The following PRKN variants were observed in gnomAD, a reference collection of about 807,000 sequenced individuals.
PRKN encodes parkin RBR E3 ubiquitin protein ligase.
A neutral mutation model predicts 59.5 loss-of-function variants in PRKN; 56 were observed. That is an observed-to-expected ratio of 0.94 (90% confidence interval 0.76 to 1.18). The LOEUF (loss-of-function observed/expected upper bound fraction) is 1.18. Among genes scored for constraint, PRKN ranks in the 50% most tolerant of loss-of-function variants. PRKN has a pLI of 0.00. For missense variants in PRKN, 657 were observed against 596.4 expected, an observed-to-expected ratio of 1.10 and a Z score of -1.06; for synonymous variants, 250 against 222.1, an observed-to-expected ratio of 1.13 and a Z score of -1.12.
intron 4 of PRKN, among the ~76,000 whole-genome samples, chr6:162,192,490 T>C (rs1784324583): frequency 7.5e-6 from 1 of 132,762 alleles, no homozygotes; most frequent in Non-Finnish European, 1.6e-5. Context: ...TCTCGCTCTG[T>C]CACTCAGGCT....
At chr6:162,069,763 A>C (rs1475184301) in intron 4 of PRKN, among the ~76,000 whole-genome samples, 2 of 152,244 alleles carry the variant, frequency 1.3e-5, no homozygotes, top group Non-Finnish European at 2.9e-5. Context: ...TAAAACAAAT[A>C]TTAGAAGGAA....
chr6:162,279,988 G>T (rs1416377702), intron 2 of PRKN, among the ~76,000 whole-genome samples: 2 of 151,972 alleles, frequency 1.3e-5, no homozygotes, highest in Non-Finnish European at 2.9e-5. Flanking sequence ...GACTAAGATC[G>T]CAAACTCTCC....
intron 1 of PRKN, among the ~76,000 whole-genome samples, chr6:162,595,332 T>C (rs1168613968): frequency 6.6e-6 from 1 of 151,786 alleles, no homozygotes; most frequent in Non-Finnish European, 1.5e-5. Flanking sequence ...CTTGGCTCAC[T>C]GCAACCTCCG....
chr6:162,565,524 T>C (rs1409527948), intron 1 of PRKN, among the ~76,000 whole-genome samples: 1 of 152,052 alleles, frequency 6.6e-6, no homozygotes, highest in Non-Finnish European at 1.5e-5. Flanking sequence ...ACCCTATCTC[T>C]ACTAAAAATA....
intron 7 of PRKN, among the ~76,000 whole-genome samples, chr6:161,586,977 T>G (rs747656830): frequency 3.1e-4 from 47 of 152,212 alleles, no homozygotes; most frequent in Non-Finnish European, 6.0e-4. Context: ...TTTAAATTTA[T>G]AGGTGGGGTC....
At chr6:161,481,651 G>C (rs555036338) in intron 9 of PRKN, among the ~76,000 whole-genome samples, 27 of 152,034 alleles carry the variant, frequency 1.8e-4, no homozygotes, top group African/African-American at 6.0e-4. Flanking sequence ...AAACAAACAA[G>C]GAAAAAAAGA....
Position 161,456,049 on chromosome 6 carries a change from G to C in PRKN, c.1084-69172C>G, listed in dbSNP as rs1789954475. ...TTCCTAAGGAGAACGTTGGCCTCTA[G>C]GGGAAGCAAAGGGCTCCTGTGTTGT... On this transcript the variant is annotated intron_variant, in intron 9 of 11. Coordinates refer to ENST00000366898, the MANE Select transcript of PRKN (RefSeq NM_004562.3). The surrounding 1 kb of genome is among the most constrained non-coding windows in gnomAD (Gnocchi z 4.8). Among the ~76,000 whole-genome samples the C allele has an allele frequency of 6.6e-6, 1 of 152,140 alleles. No individual in the cohort carries two copies. Among genetic ancestry groups the C allele is most frequent in the African/African-American group, 2.4e-5 (1 of 41,416 alleles).
At chr6:161,591,918 T>C (rs1020735423) in intron 7 of PRKN, among the ~76,000 whole-genome samples, 3 of 152,174 alleles carry the variant, frequency 2.0e-5, no homozygotes, top group Admixed American at 2.0e-4. Flanking sequence ...GCCTTACCTG[T>C]ACGGTTGTCC....
intron 6 of PRKN, among the ~76,000 whole-genome samples, chr6:161,908,564 C>T (rs1459080789): frequency 6.7e-6 from 1 of 149,998 alleles, no homozygotes; most frequent in Non-Finnish European, 1.5e-5. Flanking sequence ...TTTACTTATT[C>T]TTTTTCTGCC....
At position 161,367,145 on chromosome 6, in the gene PRKN, C is replaced by G. The variant is rs565826509; in HGVS notation, c.1168-6940G>C. ...AGCTGGGACTACAGGCGCCCGCCAC[C>G]ACGCCCGGCTAATTTTTAGTAGAGA... On this transcript the variant is annotated intron_variant, in intron 10 of 11. Coordinates refer to ENST00000366898, the MANE Select transcript of PRKN (RefSeq NM_004562.3). Among the ~76,000 whole-genome samples, 69 of 151,922 alleles carry G rather than the reference C, an allele frequency of 4.5e-4. 3 individuals carry two copies. In the South Asian group the frequency reaches 0.014, roughly 30 times the overall value.
chr6:161,927,090 C>T (rs552418750), intron 6 of PRKN, among the ~76,000 whole-genome samples: 1 of 152,068 alleles, frequency 6.6e-6, no homozygotes, highest in East Asian at 1.9e-4. Context: ...AGATACTATA[C>T]ACTAAAATGA....
In PRKN at chr6:161,972,026, C is replaced by T. The variant is rs552453936; in HGVS notation, c.734+1276G>A. Reference sequence around the variant, plus strand: ...CGGCAGCTCACGCCTGTAATCCCAGCACTTGGTGGGGCTAAGGCGGGCGGA... The same window carrying T: ...CGGCAGCTCACGCCTGTAATCCCAGTACTTGGTGGGGCTAAGGCGGGCGGA... On this transcript the variant is annotated intron_variant, in intron 6 of 11. Transcript: ENST00000366898. Among the ~76,000 whole-genome samples the T allele has an allele frequency of 1.2e-3, 179 of 152,298 alleles. 1 individual carries two copies. Among genetic ancestry groups the T allele is most frequent in the African/African-American group, 4.2e-3 (174 of 41,564 alleles).
rs569941164 is a variant in PRKN, at chr6:161,561,724, C to T, written c.933+7631G>A. 3.9e-5 allele frequency among the ~76,000 whole-genome samples: 6 copies of T among 152,232 alleles called. No homozygotes were observed. Among genetic ancestry groups the T allele is most frequent in the South Asian group, 4.1e-4 (2 of 4,822 alleles). The stretch of plus-strand genomic sequence containing the variant: ...TTCTTGGATCTCTCTCTCAAATTAC[C>T]GGTAATTCATCTCTGTGGAATCCTT... On this transcript the variant is annotated intron_variant, in intron 8 of 11. Transcript: ENST00000366898. This position sits in a 1 kb window ranked among gnomAD's most constrained non-coding sequence, Gnocchi z 5.0.
At position 161,584,856 on chromosome 6, in the gene PRKN, C is replaced by G. The variant is rs1220175610; in HGVS notation, c.872-15440G>C. 6.6e-6 allele frequency among the ~76,000 whole-genome samples: 1 copy of G among 152,168 alleles called. No homozygotes were observed. Among genetic ancestry groups the G allele is most frequent in the Non-Finnish European group, 1.5e-5 (1 of 68,036 alleles). On this transcript the variant is annotated intron_variant, in intron 7 of 11. Transcript: ENST00000366898. The surrounding 1 kb of genome is among the most constrained non-coding windows in gnomAD (Gnocchi z 4.8). Reference sequence around the variant, plus strand: ...TTTCAGCATGTCAAAATTATACTATCACACCATGGAAACAAATTAAACAGC... The same window carrying G: ...TTTCAGCATGTCAAAATTATACTATGACACCATGGAAACAAATTAAACAGC...
intron 1 of PRKN, among the ~76,000 whole-genome samples, chr6:162,502,260 A>G (rs1793410687): frequency 6.6e-6 from 1 of 152,158 alleles, no homozygotes; most frequent in Non-Finnish European, 1.5e-5. Flanking sequence ...TTTTGGGCTC[A>G]AGCGACCCTC....
intron 4 of PRKN, among the ~76,000 whole-genome samples, chr6:162,176,606 T>TA (rs58118086): frequency 0.49 from 74,063 of 151,764 alleles, 19,753 homozygotes; most frequent in Non-Finnish European, 0.61. Flanking sequence ...TGTAGTAAAC[T>TA]AAAAAAATAG....
chr6:162,671,768 A>G (rs1779329382), intron 1 of PRKN, among the ~76,000 whole-genome samples: 1 of 151,694 alleles, frequency 6.6e-6, no homozygotes, highest in African/African-American at 2.4e-5. Flanking sequence ...ACTATTAAAT[A>G]AAATAAAATA....
intron 3 of PRKN, among the ~76,000 whole-genome samples, chr6:162,230,123 A>T (rs1028665514): frequency 6.6e-6 from 1 of 152,244 alleles, no homozygotes. Context: ...GCAAATAAAC[A>T]TAACTTTGAA....
chr6:161,536,833 C>A (rs1033836550), intron 9 of PRKN, among the ~76,000 whole-genome samples: 5 of 152,124 alleles, frequency 3.3e-5, no homozygotes, highest in African/African-American at 1.2e-4. Flanking sequence ...TCTTTGGTTT[C>A]TTTAGACCAA....
Sources: gnomAD v4.1 joint callset for allele counts (sites outside exome capture counted in the v4.1 genomes callset) on GRCh38, gnomAD v4.1.1 for gene constraint, Gnocchi (gnomAD v3.1) non-coding constraint, MANE v1.5 for transcripts, NCBI Gene and HGNC (gene_info 2026-07-23, HGNC 2026-07-21) for gene names.